MFN1: variants seen among roughly 807,000 people sequenced by gnomAD.
The protein encoded by MFN1 is mitofusin 1, also known as mitofusin-1.
In MFN1, 65 loss-of-function variants were observed where a neutral mutation model predicts 92.4. The ratio of observed to expected loss-of-function variants is 0.70; its 90% CI spans 0.58 to 0.86. The LOEUF is 0.86. Among genes scored for constraint, MFN1 ranks in the 40% least tolerant of loss-of-function variants. The pLI is 0.00. For missense variants in MFN1, 781 were observed against 868.0 expected (o/e 0.90, Z 1.26); for synonymous variants, 297 against 300.9 (o/e 0.99, Z 0.13).
intron 3 of MFN1, among the ~76,000 whole-genome samples, chr3:179,358,151 T>TTG: frequency 1.5e-4 from 2 of 12,906 alleles, no homozygotes; most frequent in South Asian, 5.5e-3. Context: ...ACTCATTTTG[T>TTG]TTTTTTTTTT....
chr3:179,391,895 A>C, intron 17 of MFN1, 86 bp from the exon 18 acceptor site: 1 of 799,966 alleles, frequency 1.3e-6, no homozygotes, highest in Non-Finnish European at 2.1e-6. Flanking sequence ...TTATTATTAA[A>C]GTTTTTGTCT....
chr3:179,370,392 CTTTTTT>C (rs34938438), intron 9 of MFN1, among the ~76,000 whole-genome samples: 1 of 88,064 alleles, frequency 1.1e-5, no homozygotes, highest in Non-Finnish European at 2.1e-5. Context: ...TCACTAAGTT[CTTTTTT>C]TTTTTTTTTT....
intron 14 of MFN1, among the ~76,000 whole-genome samples, chr3:179,382,281 C>G (rs1450002480): frequency 6.6e-6 from 1 of 152,124 alleles, no homozygotes; most frequent in Non-Finnish European, 1.5e-5. Context: ...TCCAAGTGTT[C>G]TCATTGTTCA....
intron 14 of MFN1, among the ~76,000 whole-genome samples, chr3:179,384,949 A>G (rs963621114): frequency 7.9e-6 from 1 of 126,384 alleles, no homozygotes; most frequent in Non-Finnish European, 1.6e-5. Flanking sequence ...TCTGTTGTCC[A>G]GACTGGAGTG....
chr3:179,367,620 T>C, intron 8 of MFN1, 28 bp downstream of exon 8: 2 of 1,562,762 alleles, frequency 1.3e-6, no homozygotes, highest in Non-Finnish European at 8.6e-7. Context: ...ATTTCCTGTT[T>C]AAATATAAAA....
At position 179,394,877 on chromosome 3, in the gene MFN1, ATTTT is replaced by A. The variant is rs1009781909; in HGVS notation, c.*2823_*2826del. 1 of 151,990 alleles carries A rather than the reference ATTTT, an allele frequency of 6.6e-6. No individual in the cohort carries two copies. Among genetic ancestry groups the A allele is most frequent in the Non-Finnish European group, 1.5e-5 (1 of 68,000 alleles). The allele number at this position is 151,990 out of a possible 1,614,324, so 9.4% of individuals were successfully genotyped here. A position where few individuals can be genotyped will look rare whatever the true frequency, so the allele number is the denominator to read the frequency against. ...AACTTTGTATAATCTTTTTACAAAA[ATTTT>A]TTTTCAGTATGCAAGCTTGCAAGAT... On this transcript the variant is annotated 3_prime_UTR_variant, in exon 18 of 18. Transcript: ENST00000471841.
intron 17 of MFN1, among the ~76,000 whole-genome samples, chr3:179,390,958 G>A (rs986592392): frequency 4.6e-5 from 7 of 152,198 alleles, no homozygotes; most frequent in South Asian, 4.2e-4. Context: ...CCAACAACAC[G>A]TGTTCATTGT....
At chr3:179,375,175 T>A in intron 9 of MFN1, 45 bp from the exon 10 acceptor site, 1 of 1,507,432 alleles carries the variant, frequency 6.6e-7, no homozygotes, top group Non-Finnish European at 8.9e-7. Flanking sequence ...CTGAAAATGT[T>A]GCGATGGAAT....
intron 4 of MFN1, among the ~76,000 whole-genome samples, chr3:179,361,901 AG>A (rs1459514928): frequency 6.6e-6 from 1 of 152,210 alleles, no homozygotes; most frequent in African/African-American, 2.4e-5. Flanking sequence ...TAATTGACTT[AG>A]GATAATGGCC....
intron 9 of MFN1, among the ~76,000 whole-genome samples, chr3:179,370,592 A>G (rs2108540864): frequency 6.6e-6 from 1 of 151,818 alleles, no homozygotes; most frequent in South Asian, 2.1e-4. Context: ...TTGTATTTTT[A>G]GTAGAGACGG....
Position 179,373,306 on chromosome 3 carries a change from G to A in MFN1, c.976-1914G>A, listed in dbSNP as rs188983735. ...GAGACATGAAGGCTAAGCATAGGTC[G>A]TAAATAGGACATTGAATGCACGTGT... On this transcript the variant is annotated intron_variant, in intron 9 of 17. Coordinates refer to ENST00000471841, the MANE Select transcript of MFN1 (RefSeq NM_033540.3). Among the ~76,000 whole-genome samples, 932 of 152,282 alleles carry A rather than the reference G, an allele frequency of 6.1e-3. 8 individuals are homozygous for A. The highest frequency in any genetic ancestry group is 9.6e-3 in the Non-Finnish European group (653 of 68,018).
rs945987090 is a variant in MFN1, at chr3:179,392,650, A to T, written c.*591A>T. 1 of 152,224 alleles carries T rather than the reference A, an allele frequency of 6.6e-6. No individual in the cohort carries two copies. The highest frequency in any genetic ancestry group is 1.5e-5 in the Non-Finnish European group (1 of 68,046). The allele number at this position is 152,224 out of a possible 1,614,324, so 9.4% of individuals were successfully genotyped here. ...GGATAAAGGCTTGTTATAGTCACTTATAAGTATCTGGGTCTAAGTAATTTC... is the reference window on the plus strand; with the variant it reads ...GGATAAAGGCTTGTTATAGTCACTTTTAAGTATCTGGGTCTAAGTAATTTC... On this transcript the variant is annotated 3_prime_UTR_variant, in exon 18 of 18. Transcript: ENST00000471841.
chr3:179,353,648 A>G (rs1365502180), intron 3 of MFN1, among the ~76,000 whole-genome samples: 1 of 152,224 alleles, frequency 6.6e-6, no homozygotes, highest in Admixed American at 6.5e-5. Context: ...GGAGGCGTAC[A>G]TTGGTGTAAC....
In MFN1 at chr3:179,392,867, G is replaced by A. The variant is rs1245797233; in HGVS notation, c.*808G>A. 1 of 152,190 alleles carries A rather than the reference G, an allele frequency of 6.6e-6. No homozygotes were observed. Among genetic ancestry groups the A allele is most frequent in the Non-Finnish European group, 1.5e-5 (1 of 68,020 alleles). The allele number at this position is 152,190 out of a possible 1,614,324, so 9.4% of individuals were successfully genotyped here. On this transcript the variant is annotated 3_prime_UTR_variant, in exon 18 of 18. Coordinates refer to ENST00000471841, the MANE Select transcript of MFN1 (RefSeq NM_033540.3). The stretch of plus-strand genomic sequence containing the variant: ...TTGTTCTTCAGGAGGCATTTGCCTA[G>A]GATATTGCTGGATTATACCCCATTG...
Position 179,378,375 on chromosome 3 carries a change from GA to G in MFN1, c.1367del (p.Asn456IlefsTer10). ...LNKHIEDGMG[R>X]NLADRCTDEV... ...AAGCACATAGAGGATGGTATGGGAA[GA>G]AATTTGGCTGATCGATGCACCGATG... On this transcript the variant is annotated frameshift_variant, in exon 13 of 18. Coordinates refer to ENST00000471841, the MANE Select transcript of MFN1 (RefSeq NM_033540.3). LOFTEE classifies it high-confidence loss of function. 1 of 1,604,750 alleles carries G rather than the reference GA, an allele frequency of 6.2e-7. No homozygotes were observed. Among genetic ancestry groups the G allele is most frequent in the Non-Finnish European group, 8.5e-7 (1 of 1,177,684 alleles).
In MFN1 at chr3:179,378,615, T is replaced by G; in HGVS notation, c.1463T>G (p.Ile488Arg). Reference protein sequence around the residue: ...ENLKPLLPAGIQDKLHTLIPC... With the variant: ...ENLKPLLPAGRQDKLHTLIPC... ...TTGAAGCCATTACTTCCAGCTGGTATACAGGATAAACTACATACACTGATC... is the reference window on the plus strand; with the variant it reads ...TTGAAGCCATTACTTCCAGCTGGTAGACAGGATAAACTACATACACTGATC... Residue 488 changes from isoleucine (I) to arginine (R), a missense_variant, in exon 14 of 18, where the codon ATA (isoleucine) becomes AGA (arginine). By Grantham distance (97) the Ile-to-Arg change is moderately conservative. Coordinates refer to ENST00000471841, the MANE Select transcript of MFN1 (RefSeq NM_033540.3). The G allele has an allele frequency of 6.2e-7, 1 of 1,612,988 alleles. No homozygotes were observed. Among genetic ancestry groups the G allele is most frequent in the Non-Finnish European group, 8.5e-7 (1 of 1,179,336 alleles).
At chr3:179,385,477 A>G (rs915326899) in intron 14 of MFN1, 92 bp from the exon 15 acceptor site, 6 of 718,476 alleles carry the variant, frequency 8.4e-6, no homozygotes, top group African/African-American at 7.2e-5. Flanking sequence ...TTTTTCCCTC[A>G]TAGATGTGCT....
rs770353261 is a variant in MFN1 at position 179,348,728 on chromosome 3, C to T, written c.-7-117C>T. 2.8e-6 allele frequency: 4 copies of T among 1,444,186 alleles called. No homozygotes were observed. The East Asian group carries it at 9.6e-5, about 35-fold the overall frequency. 89.5% of individuals were successfully genotyped at this position (1,444,186 alleles called of 1,614,324 possible). ...CTCCCAAAAAAGAATTACCTAAAAA[C>T]ATTTTGCCAGCATAATTTATTTCAT... On this transcript the variant is annotated intron_variant, in intron 1 of 17. Transcript: ENST00000471841.
intron 14 of MFN1, 137 bp from the exon 15 acceptor site, chr3:179,385,432 A>G: frequency 1.6e-6 from 1 of 618,544 alleles, no homozygotes; most frequent in Non-Finnish European, 2.6e-6. Flanking sequence ...TTTATTTTCT[A>G]CATATATTTG....
Sources: gnomAD v4.1 joint callset for allele counts (sites outside exome capture counted in the v4.1 genomes callset) on GRCh38, gnomAD v4.1.1 for gene constraint, MANE v1.5 for transcripts, NCBI Gene and HGNC (gene_info 2026-07-23, HGNC 2026-07-21) for gene names.